Variants in TMEM132B observed in about 807,000 individuals in gnomAD.
TMEM132B encodes the protein transmembrane protein 132B.
A neutral mutation model predicts 90.8 loss-of-function variants in TMEM132B; 18 were observed. That is an observed-to-expected ratio of 0.20 (90% CI 0.14 to 0.29). The LOEUF (loss-of-function observed/expected upper bound fraction) is 0.29, where lower values mean the gene tolerates loss of function less well. Ranked by LOEUF, TMEM132B falls within the 10% of genes least tolerant of loss-of-function variation. TMEM132B has a pLI of 1.00. For synonymous variants in TMEM132B, 504 were observed against 523.3 expected, an observed-to-expected ratio of 0.96 and a Z score of 0.50; for missense variants, 1,096 against 1,326.8, an observed-to-expected ratio of 0.83 and a Z score of 2.70.
At chr12:125,624,590 G>A (rs1403496162) in intron 5 of TMEM132B, among the ~76,000 whole-genome samples, 2 of 152,144 alleles carry the variant, frequency 1.3e-5, no homozygotes, top group Non-Finnish European at 1.5e-5. Flanking sequence ...AGCTCACTGT[G>A]ATAATTATTT....
rs149003076 is a variant in TMEM132B at position 125,295,500 on chromosome 12, C to CTGTGTGTGTGTGTG, written c.68-53949_68-53936dup. Among the ~76,000 whole-genome samples, 822 of 143,358 alleles carry CTGTGTGTGTGTGTG rather than the reference C, an allele frequency of 5.7e-3. 4 individuals are homozygous for CTGTGTGTGTGTGTG. Among genetic ancestry groups the CTGTGTGTGTGTGTG allele is most frequent in the Middle Eastern group, 0.011 (3 of 280 alleles). The allele number at this position is 143,358 out of a possible 152,430, so 94.0% of individuals were successfully genotyped here. On this transcript the variant is annotated intron_variant, in intron 1 of 8. Coordinates refer to ENST00000682704, the MANE Select transcript of TMEM132B (RefSeq NM_001366854.1). ...GCCGGCTGTCTCTCCTCCATGAAACCTGTGTGTGTGTGTGTGAGAGAGAGA... is the reference window on the plus strand; with the variant it reads ...GCCGGCTGTCTCTCCTCCATGAAACCTGTGTGTGTGTGTGTGTGTGTGTGTGTGTGAGAGAGAGA...
intron 1 of TMEM132B, among the ~76,000 whole-genome samples, chr12:125,203,867 T>A (rs1292316428): frequency 1.1e-4 from 17 of 152,220 alleles, no homozygotes. Context: ...AATTCCAGTA[T>A]ATATGCTGAC....
chr12:125,558,153 C>T (rs769026074), intron 4 of TMEM132B, among the ~76,000 whole-genome samples: 9 of 152,114 alleles, frequency 5.9e-5, no homozygotes, highest in Admixed American at 2.0e-4. Flanking sequence ...GTGCCTTTCT[C>T]AGTGCTCTGA....
chr12:125,211,417 C>T (rs1301477909), intron 1 of TMEM132B, among the ~76,000 whole-genome samples: 3 of 152,206 alleles, frequency 2.0e-5, no homozygotes, highest in Non-Finnish European at 4.4e-5. Flanking sequence ...TTGCTACCTC[C>T]CCAAAGTCAG....
At chr12:125,416,324 T>C (rs1880010432) in intron 3 of TMEM132B, among the ~76,000 whole-genome samples, 1 of 152,208 alleles carries the variant, frequency 6.6e-6, no homozygotes, top group South Asian at 2.1e-4. Context: ...CAGTCTTCTA[T>C]GAGATTGCTT....
chr12:125,571,227 A>C (rs528601840), intron 4 of TMEM132B, among the ~76,000 whole-genome samples: 1 of 152,290 alleles, frequency 6.6e-6, no homozygotes, highest in East Asian at 1.9e-4. Context: ...TCTGCAGCTT[A>C]GCAGCGGAGT....
chr12:125,355,934 C>T (rs756050782), intron 2 of TMEM132B, among the ~76,000 whole-genome samples: 30 of 152,110 alleles, frequency 2.0e-4, no homozygotes, highest in Non-Finnish European at 4.0e-4. Flanking sequence ...AGCATTAGCA[C>T]GTACATCTCA....
At chr12:125,535,571 G>A (rs1883774411) in intron 4 of TMEM132B, among the ~76,000 whole-genome samples, 2 of 152,150 alleles carry the variant, frequency 1.3e-5, no homozygotes, top group African/African-American at 4.8e-5. Flanking sequence ...TAATGAAGGA[G>A]GAAAGATTCT....
intron 3 of TMEM132B, among the ~76,000 whole-genome samples, chr12:125,438,946 ATAATT>A (rs1182675567): frequency 1.3e-5 from 2 of 152,192 alleles, no homozygotes; most frequent in African/African-American, 4.8e-5. Flanking sequence ...CAGACATTCC[ATAATT>A]TATTTTCCCA....
At chr12:125,356,937 C>T (rs79450931) in intron 2 of TMEM132B, among the ~76,000 whole-genome samples, 1,905 of 152,330 alleles carry the variant, frequency 0.013, 43 homozygotes, top group African/African-American at 0.042. Flanking sequence ...GTGTTAACGA[C>T]GTAAGATATC....
Position 125,413,374 on chromosome 12 carries a change from A to G in TMEM132B, c.960-2157A>G, listed in dbSNP as rs141350128. 3.0e-3 allele frequency among the ~76,000 whole-genome samples: 459 copies of G among 152,114 alleles called. 4 individuals carry two copies. Among genetic ancestry groups the G allele is most frequent in the African/African-American group, 0.01 (429 of 41,502 alleles). On this transcript the variant is annotated intron_variant, in intron 2 of 8. Transcript: ENST00000682704. ...AAATTTACATCACATAAAATTAGCC[A>G]TTTCACTGGCAATTAGTACATTCAC...
At chr12:125,418,123 A>G (rs1229507411) in intron 3 of TMEM132B, among the ~76,000 whole-genome samples, 1 of 152,190 alleles carries the variant, frequency 6.6e-6, no homozygotes, top group African/African-American at 2.4e-5. Context: ...GGTGATATCC[A>G]TGGTCTATGC....
intron 5 of TMEM132B, among the ~76,000 whole-genome samples, chr12:125,626,706 TG>T (rs1886243051): frequency 6.6e-6 from 1 of 152,178 alleles, no homozygotes; most frequent in Non-Finnish European, 1.5e-5. Flanking sequence ...CTTATTTCTC[TG>T]GCTCCCTACA....
intron 1 of TMEM132B, among the ~76,000 whole-genome samples, chr12:125,202,420 G>A (rs79813878): frequency 0.04 from 6,037 of 152,312 alleles, 158 homozygotes; most frequent in African/African-American, 0.067. Context: ...GGCTGCAGTC[G>A]AGGTGTTAGC....
At chr12:125,286,112 C>G (rs1359407312) in intron 1 of TMEM132B, among the ~76,000 whole-genome samples, 1 of 152,228 alleles carries the variant, frequency 6.6e-6, no homozygotes, top group Non-Finnish European at 1.5e-5. Flanking sequence ...ACCTTTCATC[C>G]TCACCACAGC....
intron 4 of TMEM132B, among the ~76,000 whole-genome samples, chr12:125,575,786 C>T (rs181095201): frequency 3.9e-5 from 6 of 151,940 alleles, no homozygotes; most frequent in African/African-American, 4.8e-5. Context: ...TGTGGATATC[C>T]GGTTATCCCA....
intron 3 of TMEM132B, among the ~76,000 whole-genome samples, chr12:125,452,195 AT>A (rs1881170859): frequency 6.6e-6 from 1 of 152,018 alleles, no homozygotes; most frequent in Admixed American, 6.6e-5. Context: ...TACCTTTAAA[AT>A]TTTTTTTGAT....
In TMEM132B at chr12:125,186,667, A is replaced by G. The variant is rs1022357749; in HGVS notation, c.-133A>G. The stretch of plus-strand genomic sequence containing the variant: ...CCAGCGCCGGCGCATGCGTCTGGGG[A>G]GGAGCGGCGCGCTGGGAGCGAGCCA... On this transcript the variant is annotated 5_prime_UTR_variant, in exon 1 of 9. Coordinates refer to ENST00000682704, the MANE Select transcript of TMEM132B (RefSeq NM_001366854.1). The surrounding 1 kb of genome is among the most constrained non-coding windows in gnomAD (Gnocchi z 6.3). 6.8e-6 allele frequency among the ~76,000 whole-genome samples: 1 copy of G among 146,216 alleles called. No homozygotes were observed. The highest frequency in any genetic ancestry group is 2.5e-5 in the African/African-American group (1 of 40,740).
intron 2 of TMEM132B, among the ~76,000 whole-genome samples, chr12:125,390,511 C>T (rs148559426): frequency 1.3e-5 from 2 of 152,312 alleles, no homozygotes; most frequent in South Asian, 2.1e-4. Context: ...CTGAGTTCTC[C>T]ACTCTGAATG....
Sources: allele counts gnomAD v4.1 joint callset (sites outside exome capture counted in the v4.1 genomes callset), GRCh38; gene constraint gnomAD v4.1.1; non-coding constraint Gnocchi (gnomAD v3.1); transcripts MANE v1.5; gene names NCBI Gene and HGNC (gene_info 2026-07-23, HGNC 2026-07-21).